The following KCNB2 variants were observed in gnomAD, a reference collection of about 807,000 sequenced individuals.
KCNB2 encodes the protein potassium voltage-gated channel subfamily B member 2.
In KCNB2, 15 loss-of-function variants were observed where a neutral mutation model predicts 61.5. The observed-to-expected ratio is 0.24, with a 90% CI of 0.16 to 0.38. The LOEUF is 0.38. Ranked by LOEUF, KCNB2 falls within the 10% of genes least tolerant of loss-of-function variation. The probability of loss-of-function intolerance (pLI) is 1.00; values close to 1 mark genes in which losing one functional copy is unlikely to be tolerated. For synonymous variants in KCNB2, 457 were observed against 446.0 expected (o/e 1.02, Z -0.31); for missense variants, 828 against 1,125.2 (o/e 0.74, Z 3.78).
At chr8:72,582,607 C>T (rs1282888526) in intron 2 of KCNB2, among the ~76,000 whole-genome samples, 6 of 152,062 alleles carry the variant, frequency 3.9e-5, no homozygotes, top group African/African-American at 1.2e-4. Flanking sequence ...CAAATAAGTT[C>T]TTTTTAAAAC....
chr8:72,669,111 G>A lies in KCNB2; in HGVS notation c.579+100798G>A, dbSNP rs116993606. 9.2e-3 allele frequency among the ~76,000 whole-genome samples: 1,402 copies of A among 152,232 alleles called. 10 individuals are homozygous for A. Among genetic ancestry groups the A allele is most frequent in the Non-Finnish European group, 0.015 (1,001 of 68,028 alleles). On this transcript the variant is annotated intron_variant, in intron 2 of 2. Transcript: ENST00000523207. ...GAAATTTCTAGTTTCCATCTCTCCA[G>A]GTGTTTCTTTATGAAACTGCCCACT... is the stretch of plus-strand genomic sequence containing the variant.
At chr8:72,715,289 C>A (rs1807413003) in intron 2 of KCNB2, among the ~76,000 whole-genome samples, 1 of 152,168 alleles carries the variant, frequency 6.6e-6, no homozygotes, top group African/African-American at 2.4e-5. Flanking sequence ...AGGAATTGAA[C>A]TCGGCTCTGC....
chr8:72,807,649 C>A (rs1282390746), intron 2 of KCNB2, among the ~76,000 whole-genome samples: 3 of 152,116 alleles, frequency 2.0e-5, no homozygotes, highest in Non-Finnish European at 4.4e-5. Flanking sequence ...CACTGTGTCC[C>A]AAAAAACTGC....
intron 2 of KCNB2, among the ~76,000 whole-genome samples, chr8:72,588,157 G>A (rs182926748): frequency 6.6e-6 from 1 of 151,174 alleles, no homozygotes; most frequent in African/African-American, 2.4e-5. Context: ...TAGAGTTTTT[G>A]ATTTTTATTT....
intron 2 of KCNB2, among the ~76,000 whole-genome samples, chr8:72,891,640 G>A (rs1805898164): frequency 6.6e-6 from 1 of 152,118 alleles, no homozygotes. Context: ...ACAGAACTTC[G>A]ATGAAGAAAT....
chr8:72,689,011 G>T (rs1246348997), intron 2 of KCNB2, among the ~76,000 whole-genome samples: 1 of 152,208 alleles, frequency 6.6e-6, no homozygotes, highest in African/African-American at 2.4e-5. Context: ...TTACAGGCAT[G>T]AGCCACCATG....
intron 2 of KCNB2, among the ~76,000 whole-genome samples, chr8:72,667,774 G>A (rs1323411429): frequency 6.6e-6 from 1 of 152,130 alleles, no homozygotes; most frequent in East Asian, 1.9e-4. Flanking sequence ...AGAAATTATG[G>A]TGATCTTTGG....
Position 72,705,449 on chromosome 8 carries a change from G to C in KCNB2, c.579+137136G>C, listed in dbSNP as rs146202014. 4.7e-3 allele frequency among the ~76,000 whole-genome samples: 711 copies of C among 152,362 alleles called. 7 individuals are homozygous for C. Among genetic ancestry groups the C allele is most frequent in the African/African-American group, 0.016 (679 of 41,580 alleles). ...AGAATGTAAAGTCAGAGTAATGACA[G>C]ATGACATTAGAAGGCATTTAAGCTA... On this transcript the variant is annotated intron_variant, in intron 2 of 2. Coordinates refer to ENST00000523207, the MANE Select transcript of KCNB2 (RefSeq NM_004770.3).
At chr8:72,866,834 A>G (rs970612106) in intron 2 of KCNB2, among the ~76,000 whole-genome samples, 1 of 152,200 alleles carries the variant, frequency 6.6e-6, no homozygotes, top group Admixed American at 6.5e-5. Context: ...GGGACTCCCA[A>G]TTAAATTAAT....
intron 2 of KCNB2, among the ~76,000 whole-genome samples, chr8:72,727,359 G>A (rs963953804): frequency 6.6e-6 from 1 of 152,062 alleles, no homozygotes; most frequent in Admixed American, 6.5e-5. Flanking sequence ...TCTTCCCTTC[G>A]CTATTGTAGT....
At chr8:72,605,889 C>T (rs2128982901) in intron 2 of KCNB2, among the ~76,000 whole-genome samples, 1 of 151,996 alleles carries the variant, frequency 6.6e-6, no homozygotes, top group East Asian at 1.9e-4. Context: ...AAATATGTCA[C>T]ATCCTTAATA....
intron 2 of KCNB2, among the ~76,000 whole-genome samples, chr8:72,901,042 A>C (rs146744918): frequency 0.01 from 1,531 of 152,276 alleles, 22 homozygotes; most frequent in African/African-American, 0.035. Flanking sequence ...ACTCAGGTTC[A>C]CTGCAGCACT....
At chr8:72,733,400 TC>T (rs1255037571) in intron 2 of KCNB2, among the ~76,000 whole-genome samples, 1 of 152,112 alleles carries the variant, frequency 6.6e-6, no homozygotes, top group Admixed American at 6.5e-5. Context: ...CAATGAGTCT[TC>T]CATTCTTGAC....
chr8:72,699,559 G>A (rs1237478134), intron 2 of KCNB2, among the ~76,000 whole-genome samples: 2 of 152,044 alleles, frequency 1.3e-5, no homozygotes, highest in African/African-American at 4.8e-5. Flanking sequence ...TGTTCACTCT[G>A]ATGCTAGTTT....
chr8:72,540,018 A>G (rs1028941533), intron 1 of KCNB2, among the ~76,000 whole-genome samples: 2 of 152,158 alleles, frequency 1.3e-5, no homozygotes, highest in African/African-American at 2.4e-5. Context: ...CGTGTTTTAT[A>G]TACCTGCCTG....
At chr8:72,766,648 T>G (rs575557927) in intron 2 of KCNB2, among the ~76,000 whole-genome samples, 125 of 152,334 alleles carry the variant, frequency 8.2e-4, no homozygotes, top group Non-Finnish European at 1.3e-3. Flanking sequence ...TATTAACGCG[T>G]GCACTTATGT....
intron 2 of KCNB2, among the ~76,000 whole-genome samples, chr8:72,779,940 C>G (rs2128997830): frequency 6.6e-6 from 1 of 152,224 alleles, no homozygotes; most frequent in African/African-American, 2.4e-5. Context: ...TATCTAGCAC[C>G]TGTCTTCCAA....
At chr8:72,649,063 T>C (rs553403363) in intron 2 of KCNB2, among the ~76,000 whole-genome samples, 1 of 152,300 alleles carries the variant, frequency 6.6e-6, no homozygotes, top group South Asian at 2.1e-4. Context: ...ATTAAAGACA[T>C]TTTTATTGTC....
Position 72,756,303 on chromosome 8 carries a change from C to T in KCNB2, c.580-179632C>T, listed in dbSNP as rs1376020022. Among the ~76,000 whole-genome samples, 6 of 152,172 alleles carry T rather than the reference C, an allele frequency of 3.9e-5. No individual in the cohort carries two copies. In the East Asian group the frequency reaches 1.2e-3, roughly 29 times the overall value. ...CTTCCTGTCTCCCTATACCCTGTCC[C>T]ATCACACTGCCCCAGTCCTCAGTTA... On this transcript the variant is annotated intron_variant, in intron 2 of 2. Transcript: ENST00000523207.
Sources: gnomAD v4.1 joint callset for allele counts (sites outside exome capture counted in the v4.1 genomes callset) on GRCh38, gnomAD v4.1.1 for gene constraint, MANE v1.5 for transcripts, NCBI Gene and HGNC (gene_info 2026-07-23, HGNC 2026-07-21) for gene names.